RPS6KC1: variants seen among roughly 807,000 people sequenced by gnomAD.
RPS6KC1 encodes inactive ribosomal protein S6 kinase delta-1.
RPS6KC1 carries 54 observed loss-of-function variants against 103.8 expected under a neutral mutation model. That is an observed-to-expected ratio of 0.52 (90% CI 0.42 to 0.65). RPS6KC1 has a LOEUF of 0.65. Among genes scored for constraint, RPS6KC1 ranks in the 30% least tolerant of loss-of-function variants. The pLI is 0.00. For synonymous variants in RPS6KC1, 439 were observed against 438.7 expected (o/e 1.00, Z -0.01); for missense variants, 1,151 against 1,253.8 (o/e 0.92, Z 1.24).
chr1:213,134,453 A>G (rs986631379), intron 6 of RPS6KC1, among the ~76,000 whole-genome samples: 9 of 151,960 alleles, frequency 5.9e-5, no homozygotes, highest in Non-Finnish European at 1.2e-4. Context: ...TTTTTCTTTG[A>G]AGATTTTGTT....
chr1:213,089,754 G>A (rs897002186), intron 3 of RPS6KC1, among the ~76,000 whole-genome samples: 5 of 152,100 alleles, frequency 3.3e-5, no homozygotes, highest in Admixed American at 2.0e-4. Context: ...GAGCCACCGC[G>A]CCCGGCCCCA....
chr1:213,529,305 G>A, the RPS6KC1 span, among the ~76,000 whole-genome samples: 1 of 152,194 alleles, frequency 6.6e-6, no homozygotes, highest in East Asian at 1.9e-4. Context: ...GAGCCTCCAT[G>A]GTGGTGGGGA....
chr1:213,340,864 T>C, the RPS6KC1 span, among the ~76,000 whole-genome samples: 1 of 152,158 alleles, frequency 6.6e-6, no homozygotes, highest in African/African-American at 2.4e-5. Context: ...ACCTGTGTGA[T>C]TGGGGGCAGG....
chr1:213,719,782 G>A, the RPS6KC1 span, among the ~76,000 whole-genome samples: 4 of 152,152 alleles, frequency 2.6e-5, no homozygotes, highest in African/African-American at 7.2e-5. Flanking sequence ...CATACAGTAC[G>A]TGGAAGGTGG....
the RPS6KC1 span, among the ~76,000 whole-genome samples, chr1:213,328,504 C>CTATAGA: frequency 9.9e-6 from 1 of 101,446 alleles, no homozygotes; most frequent in African/African-American, 3.2e-5. Context: ...AGCCATTATA[C>CTATAGA]TATATATATA....
the RPS6KC1 span, among the ~76,000 whole-genome samples, chr1:213,563,890 A>G: frequency 4.6e-5 from 7 of 150,590 alleles, no homozygotes; most frequent in Admixed American, 4.6e-4. Context: ...GTAATTTTTC[A>G]TTTATATTTA....
chr1:213,703,779 T>C, the RPS6KC1 span, among the ~76,000 whole-genome samples: 4 of 152,176 alleles, frequency 2.6e-5, no homozygotes, highest in Non-Finnish European at 5.9e-5. Flanking sequence ...TTTGGGGAGT[T>C]TGATTACTTA....
chr1:213,306,886 C>T, the RPS6KC1 span, among the ~76,000 whole-genome samples: 5 of 152,092 alleles, frequency 3.3e-5, no homozygotes, highest in South Asian at 2.1e-4. Context: ...TGTCGTGGGA[C>T]GTCTGCATGT....
the RPS6KC1 span, among the ~76,000 whole-genome samples, chr1:213,286,245 A>G: frequency 2.6e-5 from 4 of 152,200 alleles, no homozygotes; most frequent in East Asian, 7.7e-4. Context: ...ACAGTGTCCA[A>G]CTTAGCAGAG....
chr1:213,662,975 A>G, the RPS6KC1 span, among the ~76,000 whole-genome samples: 1 of 152,204 alleles, frequency 6.6e-6, no homozygotes, highest in Non-Finnish European at 1.5e-5. Context: ...CCCAGCTAGA[A>G]GTAGCCTGTC....
the RPS6KC1 span, among the ~76,000 whole-genome samples, chr1:213,773,918 A>G: frequency 1.3e-5 from 2 of 152,246 alleles, no homozygotes; most frequent in Admixed American, 6.5e-5. Context: ...AGTGGACACA[A>G]AGAAACTAAC....
the RPS6KC1 span, among the ~76,000 whole-genome samples, chr1:213,387,315 A>G: frequency 1.3e-5 from 2 of 152,216 alleles, no homozygotes; most frequent in African/African-American, 2.4e-5. Flanking sequence ...TATAAAACCC[A>G]TAGGTTTAAG....
chr1:213,434,350 TA>T, the RPS6KC1 span, among the ~76,000 whole-genome samples: 1 of 152,236 alleles, frequency 6.6e-6, no homozygotes, highest in African/African-American at 2.4e-5. Context: ...ATTACACCTT[TA>T]AAAAAAATTC....
chr1:213,706,157 C>T, the RPS6KC1 span, among the ~76,000 whole-genome samples: 2 of 152,274 alleles, frequency 1.3e-5, no homozygotes, highest in Admixed American at 1.3e-4. Context: ...CATTAGTACT[C>T]TCCTAGGAAT....
At chr1:213,393,422 T>G in the RPS6KC1 span, among the ~76,000 whole-genome samples, 2 of 152,180 alleles carry the variant, frequency 1.3e-5, no homozygotes, top group Admixed American at 1.3e-4. Context: ...CACTCCGAAG[T>G]TCAAATTCCT....
intron 12 of RPS6KC1, among the ~76,000 whole-genome samples, chr1:213,252,742 A>C (rs959583267): frequency 6.6e-6 from 1 of 152,280 alleles, no homozygotes; most frequent in South Asian, 2.1e-4. Flanking sequence ...TTAGAAAACT[A>C]TATTTATCTT....
chr1:213,202,630 C>T (rs1010603890), intron 8 of RPS6KC1, among the ~76,000 whole-genome samples: 1 of 141,794 alleles, frequency 7.1e-6, no homozygotes, highest in African/African-American at 2.5e-5. Context: ...AAAAACAAAC[C>T]AACAAACAAA....
At chr1:213,649,946 GAC>G in the RPS6KC1 span, among the ~76,000 whole-genome samples, 1 of 152,150 alleles carries the variant, frequency 6.6e-6, no homozygotes. Context: ...GGCATTCATG[GAC>G]ACTTTATCGG....
chr1:213,618,507 T>C, the RPS6KC1 span, among the ~76,000 whole-genome samples: 1 of 152,150 alleles, frequency 6.6e-6, no homozygotes, highest in Non-Finnish European at 1.5e-5. Flanking sequence ...TGTAGAGAGG[T>C]GTTTAGGATA....
Sources: allele counts gnomAD v4.1 joint callset (sites outside exome capture counted in the v4.1 genomes callset), GRCh38; gene constraint gnomAD v4.1.1; transcripts MANE v1.5; gene names NCBI Gene and HGNC (gene_info 2026-07-23, HGNC 2026-07-21).